HEPHL1: variants seen among roughly 807,000 people sequenced by gnomAD.
HEPHL1 encodes hephaestin like 1.
Under a neutral mutation model 122.0 loss-of-function variants are expected in HEPHL1, and 123 were observed. That is an observed-to-expected ratio of 1.01 (90% CI 0.87 to 1.17). HEPHL1 has a LOEUF of 1.17. Ranked by LOEUF, HEPHL1 falls within the 50% of genes most tolerant of loss-of-function variation. The pLI, the probability that HEPHL1 is intolerant of heterozygous loss-of-function variation, is 0.00. For missense variants in HEPHL1, 1,452 were observed against 1,430.5 expected, an observed-to-expected ratio of 1.01 and a Z score of -0.24; for synonymous variants, 527 against 508.9, an observed-to-expected ratio of 1.04 and a Z score of -0.48.
chr11:94,103,090 A>G (rs1342292133), intron 15 of HEPHL1, 70 bp downstream of exon 15: 1 of 887,828 alleles, frequency 1.1e-6, no homozygotes, highest in Non-Finnish European at 1.9e-6. Flanking sequence ...GGTCATCACA[A>G]TTTGGGTTGG....
Position 94,083,526 on chromosome 11 carries a change from A to G in HEPHL1, c.1867+958A>G, listed in dbSNP as rs534286673. Among the ~76,000 whole-genome samples the G allele has an allele frequency of 2.0e-5, 3 of 152,338 alleles. No individual in the cohort carries two copies. In the South Asian group the frequency reaches 6.2e-4, roughly 32 times the overall value. ...GTCAATAAAAGTGCCCGAAGCAAGT[A>G]ACGTAAGACAACAGGTGCTAACCTG... On this transcript the variant is annotated intron_variant, in intron 10 of 19. Transcript: ENST00000315765.
At chr11:94,051,689 G>C (rs2134419404) in intron 2 of HEPHL1, among the ~76,000 whole-genome samples, 1 of 152,108 alleles carries the variant, frequency 6.6e-6, no homozygotes, top group East Asian at 1.9e-4. Context: ...TGGCTTGTGG[G>C]GTATTACTCA....
intron 1 of HEPHL1, among the ~76,000 whole-genome samples, chr11:94,036,337 A>C (rs1276627301): frequency 6.6e-6 from 1 of 152,190 alleles, no homozygotes; most frequent in Non-Finnish European, 1.5e-5. Flanking sequence ...GGGACTAGAC[A>C]AGGGTGCCTG....
intron 11 of HEPHL1, among the ~76,000 whole-genome samples, chr11:94,088,231 C>T (rs1946233738): frequency 6.6e-6 from 1 of 152,166 alleles, no homozygotes; most frequent in Non-Finnish European, 1.5e-5. Context: ...AAATGAGAAA[C>T]TTCTTTGCTC....
intron 1 of HEPHL1, 35 bp from the exon 2 acceptor site, chr11:94,045,638 A>G: frequency 2.6e-6 from 4 of 1,532,800 alleles, no homozygotes; most frequent in Non-Finnish European, 3.5e-6. Context: ...TTCTCTTTTC[A>G]TTTCAATTAA....
intron 9 of HEPHL1, among the ~76,000 whole-genome samples, chr11:94,077,168 C>T (rs1000560250): frequency 6.6e-6 from 1 of 152,070 alleles, no homozygotes; most frequent in African/African-American, 2.4e-5. Flanking sequence ...AAACAAGGAC[C>T]CTCTCTGACA....
At chr11:94,074,516 G>A (rs945046961) in intron 8 of HEPHL1, among the ~76,000 whole-genome samples, 2 of 152,156 alleles carry the variant, frequency 1.3e-5, no homozygotes. Context: ...TGTTAACTCA[G>A]CAAACATACT....
chr11:94,073,531 A>G, intron 8 of HEPHL1, 92 bp downstream of exon 8: 2 of 1,278,884 alleles, frequency 1.6e-6, no homozygotes, highest in Admixed American at 2.3e-5. Flanking sequence ...GGTCCTTTCC[A>G]TTACCTGCCC....
intron 2 of HEPHL1, among the ~76,000 whole-genome samples, chr11:94,061,539 A>C (rs1464568471): frequency 6.7e-6 from 1 of 149,548 alleles, no homozygotes; most frequent in Non-Finnish European, 1.5e-5. Context: ...TGCTGAGATA[A>C]CATAGTTTTT....
intron 2 of HEPHL1, among the ~76,000 whole-genome samples, chr11:94,060,311 T>G (rs1945977306): frequency 6.6e-6 from 1 of 151,668 alleles, no homozygotes; most frequent in Non-Finnish European, 1.5e-5. Context: ...TGTATATGTA[T>G]ACACATATAC....
intron 2 of HEPHL1, among the ~76,000 whole-genome samples, chr11:94,060,161 G>A: frequency 7.1e-6 from 1 of 140,018 alleles, no homozygotes; most frequent in Non-Finnish European, 1.5e-5. Flanking sequence ...CACGCACTGG[G>A]GTAGATCTTG....
chr11:94,081,814 G>A (rs1037550734), intron 9 of HEPHL1, among the ~76,000 whole-genome samples: 3 of 152,154 alleles, frequency 2.0e-5, no homozygotes, highest in African/African-American at 7.2e-5. Context: ...ATAGTTTCAG[G>A]TGGAGATAAG....
chr11:94,059,351 T>G (rs762366251), intron 2 of HEPHL1, among the ~76,000 whole-genome samples: 1 of 152,194 alleles, frequency 6.6e-6, no homozygotes, highest in Non-Finnish European at 1.5e-5. Context: ...CAAGTATGTT[T>G]GTACAATACA....
rs189267403 is a variant in HEPHL1, at chr11:94,077,153, C to T, written c.1716+1768C>T. The stretch of plus-strand genomic sequence containing the variant: ...ACATAATGTCTTTCAGTGTGTGTTT[C>T]CTAAAAACAAGGACCCTCTCTGACA... On this transcript the variant is annotated intron_variant, in intron 9 of 19. Coordinates refer to ENST00000315765, the MANE Select transcript of HEPHL1 (RefSeq NM_001098672.2). 5.3e-3 allele frequency among the ~76,000 whole-genome samples: 803 copies of T among 152,168 alleles called. 1 individual carries two copies. Among genetic ancestry groups the T allele is most frequent in the Admixed American group, 8.9e-3 (136 of 15,284 alleles).
At chr11:94,110,116 G>C (rs1368886353) in intron 17 of HEPHL1, among the ~76,000 whole-genome samples, 2 of 152,182 alleles carry the variant, frequency 1.3e-5, no homozygotes, top group Non-Finnish European at 2.9e-5. Flanking sequence ...GATAAGAGGT[G>C]TTTGTCCAGT....
intron 13 of HEPHL1, 89 bp downstream of exon 13, chr11:94,093,729 A>G: frequency 1.4e-6 from 2 of 1,423,628 alleles, no homozygotes; most frequent in South Asian, 1.4e-5. Flanking sequence ...GTGGCTAAGA[A>G]AGGATAGAAG....
chr11:94,102,028 A>G (rs1280458913), intron 14 of HEPHL1, among the ~76,000 whole-genome samples: 2 of 152,168 alleles, frequency 1.3e-5, no homozygotes, highest in South Asian at 2.1e-4. Flanking sequence ...ATTATTGTCA[A>G]TCTCTTACTG....
chr11:94,094,013 T>TATATATAA (rs1485344204), intron 13 of HEPHL1, among the ~76,000 whole-genome samples: 17 of 121,686 alleles, frequency 1.4e-4, no homozygotes, highest in East Asian at 1.1e-3. Context: ...TATATATATA[T>TATATATAA]AAAACTTTAA....
At chr11:94,103,272 C>A (rs1591489506) in intron 15 of HEPHL1, among the ~76,000 whole-genome samples, 3 of 108,080 alleles carry the variant, frequency 2.8e-5, no homozygotes, top group African/African-American at 4.0e-5. Context: ...TTTTTTTTTC[C>A]CAAAAAAAAA....
Sources: allele counts gnomAD v4.1 joint callset (sites outside exome capture counted in the v4.1 genomes callset), GRCh38; gene constraint gnomAD v4.1.1; transcripts MANE v1.5; gene names NCBI Gene and HGNC (gene_info 2026-07-23, HGNC 2026-07-21).